Variants in NFIA observed in about 807,000 individuals in gnomAD.
The protein encoded by NFIA is nuclear factor I A.
A neutral mutation model predicts 62.8 loss-of-function variants in NFIA; 8 were observed. That is an observed-to-expected ratio of 0.13 (90% CI 0.07 to 0.23). The LOEUF is 0.23. Ranked by LOEUF, NFIA falls within the 10% of genes least tolerant of loss-of-function variation. The pLI, the probability that NFIA is intolerant of heterozygous loss-of-function variation, is 1.00. For missense variants in NFIA, 410 were observed against 642.1 expected (o/e 0.64, Z 3.91); for synonymous variants, 235 against 238.1 (o/e 0.99, Z 0.12).
At chr1:61,436,652 C>T (rs1667343063) in intron 10 of NFIA, among the ~76,000 whole-genome samples, 1 of 152,178 alleles carries the variant, frequency 6.6e-6, no homozygotes, top group Admixed American at 6.5e-5. Flanking sequence ...ACTTTTCTCA[C>T]ACCCACCTGC....
At chr1:61,371,739 G>T (rs923928793) in intron 6 of NFIA, among the ~76,000 whole-genome samples, 4 of 152,136 alleles carry the variant, frequency 2.6e-5, no homozygotes, top group Non-Finnish European at 5.9e-5. Flanking sequence ...ATTGTCATTT[G>T]AGAGTTAGTA....
At chr1:61,373,481 A>G (rs1449175904) in intron 6 of NFIA, among the ~76,000 whole-genome samples, 1 of 152,166 alleles carries the variant, frequency 6.6e-6, no homozygotes, top group Non-Finnish European at 1.5e-5. Flanking sequence ...TGGAATTAAT[A>G]GAGCTCCAGC....
chr1:61,193,351 T>TGC (rs1651773009), intron 2 of NFIA, among the ~76,000 whole-genome samples: 1 of 152,240 alleles, frequency 6.6e-6, no homozygotes, highest in African/African-American at 2.4e-5. Flanking sequence ...ATCTTTTGTT[T>TGC]GCGTGTTTGT....
At chr1:61,261,644 T>C (rs1466686324) in intron 2 of NFIA, among the ~76,000 whole-genome samples, 1 of 152,174 alleles carries the variant, frequency 6.6e-6, no homozygotes, top group Admixed American at 6.5e-5. Context: ...AATAATAAAG[T>C]ACTCTAGGAG....
intron 10 of NFIA, among the ~76,000 whole-genome samples, chr1:61,454,723 CT>C (rs1027774462): frequency 1.2e-4 from 18 of 152,176 alleles, no homozygotes; most frequent in African/African-American, 3.9e-4. Flanking sequence ...GGGTCCAGCA[CT>C]TTTTCCACCT....
intron 2 of NFIA, among the ~76,000 whole-genome samples, chr1:61,127,490 CAGAGT>C (rs1398162878): frequency 5.3e-5 from 8 of 151,730 alleles, no homozygotes; most frequent in Non-Finnish European, 7.4e-5. Flanking sequence ...GAGAAGTACT[CAGAGT>C]AGAGAACTTA....
intron 10 of NFIA, among the ~76,000 whole-genome samples, chr1:61,428,326 T>C (rs531320911): frequency 6.6e-6 from 1 of 151,990 alleles, no homozygotes; most frequent in East Asian, 1.9e-4. Flanking sequence ...ATCCAGATTT[T>C]CCACGCATCT....
intron 3 of NFIA, among the ~76,000 whole-genome samples, chr1:61,310,437 G>A (rs764447159): frequency 1.1e-4 from 16 of 152,196 alleles, no homozygotes; most frequent in South Asian, 2.1e-4. Flanking sequence ...TGGACAAGTA[G>A]AGGCTCTCCC....
At chr1:61,424,161 A>G (rs1557773991) in intron 9 of NFIA, among the ~76,000 whole-genome samples, 1 of 152,192 alleles carries the variant, frequency 6.6e-6, no homozygotes, top group Admixed American at 6.5e-5. Context: ...CCATGATTGA[A>G]GAAGAGAAAA....
chr1:61,085,058 A>C (rs558155640), intron 1 of NFIA, among the ~76,000 whole-genome samples: 5 of 152,212 alleles, frequency 3.3e-5, no homozygotes, highest in African/African-American at 9.6e-5. Context: ...ACTTGCTGGG[A>C]TATTTATAAT....
At chr1:61,255,084 A>T (rs1191665368) in intron 2 of NFIA, among the ~76,000 whole-genome samples, 1 of 152,196 alleles carries the variant, frequency 6.6e-6, no homozygotes. Context: ...GAAGTACAGG[A>T]TACAGCTTCC....
At chr1:61,188,820 G>A (rs556498722) in intron 2 of NFIA, among the ~76,000 whole-genome samples, 79 of 152,196 alleles carry the variant, frequency 5.2e-4, no homozygotes, top group Middle Eastern at 3.4e-3. Context: ...TCCAAGTTAC[G>A]TATATTAAAG....
At chr1:61,370,930 G>A (rs1330708092) in intron 6 of NFIA, among the ~76,000 whole-genome samples, 1 of 152,010 alleles carries the variant, frequency 6.6e-6, no homozygotes, top group Non-Finnish European at 1.5e-5. Context: ...TCAAGGAATG[G>A]CAACTCAATA....
intron 2 of NFIA, among the ~76,000 whole-genome samples, chr1:61,139,592 A>G (rs983066941): frequency 6.6e-6 from 1 of 152,084 alleles, no homozygotes; most frequent in Non-Finnish European, 1.5e-5. Context: ...TAACTATGAG[A>G]TTTCATAATA....
chr1:61,377,588 A>G (rs1390197813), intron 6 of NFIA, among the ~76,000 whole-genome samples: 2 of 152,206 alleles, frequency 1.3e-5, no homozygotes, highest in Non-Finnish European at 2.9e-5. Context: ...TATTGGATTT[A>G]AAAACTAAAG....
Position 61,277,583 on chromosome 1 carries a change from A to G in NFIA, c.623A>G (p.Asn208Ser). The change falls in exon 3 of 11, where the codon AAT becomes AGT. Residue 208 changes from asparagine to serine, a missense_variant and splice_region_variant. Asn to Ser is a conservative substitution (Grantham distance 46). Around this residue, in one of 3 missense-constraint regions of NFIA, gnomAD observed 298 missense variants for 438.1 expected, o/e 0.68. Coordinates refer to ENST00000403491, the MANE Select transcript of NFIA (RefSeq NM_001134673.4). Reference sequence around the variant, plus strand: ...GCTGACATTAAGGACCAGCCAGAAAATGGTAAGTTTAGCTTGGGACTCTAG... The same window carrying G: ...GCTGACATTAAGGACCAGCCAGAAAGTGGTAAGTTTAGCTTGGGACTCTAG... ...SDADIKDQPENGHLGFQDSFV... is the reference protein window; with the variant it reads ...SDADIKDQPESGHLGFQDSFV... The G allele has an allele frequency of 6.2e-7, 1 of 1,613,758 alleles. No homozygotes were observed. Among genetic ancestry groups the G allele is most frequent in the Non-Finnish European group, 8.5e-7 (1 of 1,179,744 alleles).
At chr1:61,345,827 T>C (rs1417772985) in intron 4 of NFIA, among the ~76,000 whole-genome samples, 1 of 152,092 alleles carries the variant, frequency 6.6e-6, no homozygotes, top group African/African-American at 2.4e-5. Context: ...GCCAAAAAGG[T>C]TGGGGACTTC....
chr1:61,190,485 C>T (rs1651542057), intron 2 of NFIA, among the ~76,000 whole-genome samples: 1 of 152,190 alleles, frequency 6.6e-6, no homozygotes, highest in Admixed American at 6.5e-5. Flanking sequence ...CCAGTATTTT[C>T]CTTCTAAAAC....
At chr1:61,217,584 G>A (rs975818477) in intron 2 of NFIA, among the ~76,000 whole-genome samples, 5 of 152,114 alleles carry the variant, frequency 3.3e-5, no homozygotes, top group African/African-American at 9.7e-5. Context: ...AGAGGGGAAG[G>A]ACCCACAGGA....
Sources: gnomAD v4.1 joint callset for allele counts (sites outside exome capture counted in the v4.1 genomes callset) on GRCh38, gnomAD v4.1.1 for gene constraint, gnomAD v4.1.1 regional missense constraint, MANE v1.5 for transcripts, NCBI Gene and HGNC (gene_info 2026-07-23, HGNC 2026-07-21) for gene names.